The following CFDP1 variants were observed in gnomAD, a reference collection of about 807,000 sequenced individuals.
The protein encoded by CFDP1 is chromatin remodeling protein CFDP1.
In CFDP1, 31 loss-of-function variants were observed where a neutral mutation model predicts 40.1. The ratio of observed to expected loss-of-function variants is 0.77; its 90% CI spans 0.58 to 1.04. CFDP1 has a LOEUF of 1.04. CFDP1 is among the 50% of genes least tolerant of loss of function. The pLI is 0.00. For synonymous variants in CFDP1, 167 were observed against 120.0 expected (o/e 1.39, Z -2.56); for missense variants, 423 against 343.4 (o/e 1.23, Z -1.83).
Position 75,412,563 on chromosome 16 carries a change from G to C in CFDP1, c.374C>G (p.Ser125Ter), listed in dbSNP as rs754777601. 6.2e-6 allele frequency: 10 copies of C among 1,614,078 alleles called. No homozygotes were observed. Among genetic ancestry groups the C allele is most frequent in the Non-Finnish European group, 8.5e-6 (10 of 1,179,970 alleles). The change falls in exon 3 of 7, where the codon TCA becomes TGA. Residue 125 changes from serine (S) to a stop codon, truncating the protein, a stop_gained. Coordinates refer to ENST00000283882, the MANE Select transcript of CFDP1 (RefSeq NM_006324.3). LOFTEE classifies it high-confidence loss of function. ...ASFLNDVGPK[S>*]KVPPSTQVKK... The stretch of plus-strand genomic sequence containing the variant: ...AACTTGTGTACTTGGGGGCACTTTT[G>C]ATTTTGGTCCCACATCATTGAGGAA...
At chr16:75,332,620 T>C (rs958135401) in intron 5 of CFDP1, among the ~76,000 whole-genome samples, 61 of 151,704 alleles carry the variant, frequency 4.0e-4, no homozygotes, top group Non-Finnish European at 1.8e-4. Flanking sequence ...TGAACCATGA[T>C]TGCACCACTA....
chr16:75,349,680 A>ATATATATATATATATATAT (rs59380218), intron 5 of CFDP1, among the ~76,000 whole-genome samples: 10 of 6,656 alleles, frequency 1.5e-3, no homozygotes, highest in East Asian at 0.012. Flanking sequence ...AAAAAAAAAA[A>ATATATATATATATATATAT]AAAAAAAAAA....
At chr16:75,417,340 A>G (rs2079218678) in intron 1 of CFDP1, among the ~76,000 whole-genome samples, 1 of 152,176 alleles carries the variant, frequency 6.6e-6, no homozygotes. Flanking sequence ...ACAGTAAGTG[A>G]CTGGCTGAAA....
chr16:75,333,314 G>A (rs889683156), intron 5 of CFDP1, among the ~76,000 whole-genome samples: 3 of 151,268 alleles, frequency 2.0e-5, no homozygotes, highest in African/African-American at 4.9e-5. Context: ...TAGTAGAGAC[G>A]GGGTTTCACC....
At position 75,401,113 on chromosome 16, in the gene CFDP1, T is replaced by C. The variant is rs551024175; in HGVS notation, c.531-5904A>G. On this transcript the variant is annotated intron_variant, in intron 4 of 6. Transcript: ENST00000283882. ...GTTCCAGACCAGCCTGGCAACATGG[T>C]GAAACCCTGTCTCTATTAAGAAATA... is the stretch of plus-strand genomic sequence containing the variant. Among the ~76,000 whole-genome samples, 5 of 151,398 alleles carry C rather than the reference T, an allele frequency of 3.3e-5. No homozygotes were observed. In the East Asian group the frequency reaches 9.7e-4, roughly 29 times the overall value.
chr16:75,294,768 C>G (rs2078170356), intron 6 of CFDP1, among the ~76,000 whole-genome samples: 1 of 152,164 alleles, frequency 6.6e-6, no homozygotes, highest in Non-Finnish European at 1.5e-5. Context: ...TTAAGGGCCT[C>G]TGATCTCTCC....
chr16:75,293,776 A>T lies in CFDP1; in HGVS notation c.*176T>A. ...TTATTCATTTAAGGACAAATTTTTA[A>T]AAGTAAAGTGAATGAAACCATTTGT... On this transcript the variant is annotated 3_prime_UTR_variant, in exon 7 of 7. Coordinates refer to ENST00000283882, the MANE Select transcript of CFDP1 (RefSeq NM_006324.3). 1 of 588,520 alleles carries T rather than the reference A, an allele frequency of 1.7e-6. No homozygotes were observed. The allele number at this position is 588,520 out of a possible 1,614,324, so 36.5% of individuals were successfully genotyped here.
intron 5 of CFDP1, among the ~76,000 whole-genome samples, chr16:75,356,869 T>C (rs925648775): frequency 3.3e-5 from 5 of 152,054 alleles, no homozygotes; most frequent in African/African-American, 7.2e-5. Flanking sequence ...AACTTGCTGC[T>C]TCATCTTGTA....
chr16:75,414,865 C>T (rs1024458219), intron 1 of CFDP1, among the ~76,000 whole-genome samples, 170 bp from the exon 2 acceptor site: 3 of 152,058 alleles, frequency 2.0e-5, no homozygotes, highest in East Asian at 3.9e-4. Context: ...GTCTTCTCTG[C>T]CCCTGAAGAC....
intron 1 of CFDP1, among the ~76,000 whole-genome samples, chr16:75,426,282 G>A (rs1395930331): frequency 6.6e-6 from 1 of 151,808 alleles, no homozygotes; most frequent in Non-Finnish European, 1.5e-5. Flanking sequence ...CTCAGGAGGC[G>A]GAGGTTGCAG....
chr16:75,407,910 C>A (rs2079116788), intron 4 of CFDP1, among the ~76,000 whole-genome samples: 1 of 151,954 alleles, frequency 6.6e-6, no homozygotes, highest in Non-Finnish European at 1.5e-5. Context: ...AAGTTCGAGA[C>A]CAGCCTAGGC....
At chr16:75,350,497 G>A (rs1443645222) in intron 5 of CFDP1, among the ~76,000 whole-genome samples, 1 of 152,122 alleles carries the variant, frequency 6.6e-6, no homozygotes, top group Admixed American at 6.6e-5. Flanking sequence ...TGTATTATAA[G>A]CTCTTTTAAA....
intron 5 of CFDP1, among the ~76,000 whole-genome samples, chr16:75,348,135 A>C (rs538338836): frequency 1.3e-5 from 2 of 152,274 alleles, no homozygotes; most frequent in African/African-American, 4.8e-5. Flanking sequence ...TCTTTTTTAG[A>C]GACAAGGTCT....
At chr16:75,314,025 C>T (rs1300284713) in intron 5 of CFDP1, among the ~76,000 whole-genome samples, 4 of 152,274 alleles carry the variant, frequency 2.6e-5, no homozygotes, top group Middle Eastern at 3.4e-3. Flanking sequence ...GCTGGGGTTA[C>T]AGGTGACCGC....
intron 5 of CFDP1, among the ~76,000 whole-genome samples, chr16:75,340,148 T>C (rs983518512): frequency 6.6e-5 from 10 of 152,216 alleles, no homozygotes; most frequent in African/African-American, 2.4e-4. Context: ...CATGAATCAA[T>C]TCATCGCAAT....
chr16:75,320,609 G>C (rs1321688288), intron 5 of CFDP1, among the ~76,000 whole-genome samples: 1 of 152,192 alleles, frequency 6.6e-6, no homozygotes, highest in African/African-American at 2.4e-5. Context: ...CCCAGACTGT[G>C]AGAGTGTGTG....
At chr16:75,431,445 C>T (rs1431858546) in intron 1 of CFDP1, among the ~76,000 whole-genome samples, 1 of 77,710 alleles carries the variant, frequency 1.3e-5, no homozygotes, top group East Asian at 4.6e-4. Context: ...CAGAGCAAAA[C>T]TCTTGTCTCA....
chr16:75,382,035 G>A (rs1266831178), intron 5 of CFDP1, among the ~76,000 whole-genome samples: 2 of 151,592 alleles, frequency 1.3e-5, no homozygotes, highest in Admixed American at 1.3e-4. Flanking sequence ...AAGATCACTT[G>A]AGCCAGAATG....
At chr16:75,375,565 G>T (rs968905728) in intron 5 of CFDP1, among the ~76,000 whole-genome samples, 1 of 152,126 alleles carries the variant, frequency 6.6e-6, no homozygotes, top group African/African-American at 2.4e-5. Flanking sequence ...GCCGAGGCGG[G>T]TGGATCACCT....
Sources: gnomAD v4.1 joint callset for allele counts (sites outside exome capture counted in the v4.1 genomes callset) on GRCh38, gnomAD v4.1.1 for gene constraint, MANE v1.5 for transcripts, NCBI Gene and HGNC (gene_info 2026-07-23, HGNC 2026-07-21) for gene names.